Variants in BAZ2B observed in about 807,000 individuals in gnomAD.
BAZ2B encodes bromodomain adjacent to zinc finger domain protein 2B.
Under a neutral mutation model 246.0 loss-of-function variants are expected in BAZ2B, and 91 were observed. That is an observed-to-expected ratio of 0.37 (90% CI 0.31 to 0.44). The LOEUF is 0.44. BAZ2B is among the 20% of genes least tolerant of loss of function. The pLI is 1.00. For missense variants in BAZ2B, 2,332 were observed against 2,533.7 expected, an observed-to-expected ratio of 0.92 and a Z score of 1.71; for synonymous variants, 855 against 860.0, an observed-to-expected ratio of 0.99 and a Z score of 0.10.
intron 2 of BAZ2B, among the ~76,000 whole-genome samples, chr2:159,519,670 CTT>C (rs1156978730): frequency 2.0e-5 from 2 of 98,266 alleles, no homozygotes; most frequent in African/African-American, 3.7e-5. Context: ...GACCTTTCTT[CTT>C]TTTTTTTTTT....
At chr2:159,527,734 A>C (rs1164479987) in intron 2 of BAZ2B, among the ~76,000 whole-genome samples, 1 of 152,238 alleles carries the variant, frequency 6.6e-6, no homozygotes, top group African/African-American at 2.4e-5. Flanking sequence ...GTAGGCACTT[A>C]GCACAGTTAC....
At chr2:159,420,665 C>T (rs3771717) in intron 13 of BAZ2B, among the ~76,000 whole-genome samples, 59,197 of 151,996 alleles carry the variant, frequency 0.39, 12,341 homozygotes, top group Non-Finnish European at 0.49. Context: ...TTTATTTTGA[C>T]GCCTTCCTCT....
At chr2:159,688,861 A>C in the BAZ2B span, among the ~76,000 whole-genome samples, 2 of 152,234 alleles carry the variant, frequency 1.3e-5, no homozygotes. Flanking sequence ...GTAATACAGC[A>C]GAAGCGATGT....
Position 159,382,575 on chromosome 2 carries a change from T to A in BAZ2B, c.3989A>T (p.Asp1330Val), listed in dbSNP as rs1484676974. Residue 1330 changes from aspartate (D) to valine (V), a missense_variant, in exon 25 of 37, where the codon GAT (aspartate) becomes GTT (valine). Around this residue, in one of 9 missense-constraint regions of BAZ2B, gnomAD observed 676 missense variants for 668.6 expected, o/e 1.01. Transcript: ENST00000392783. Reference sequence around the variant, plus strand: ...TTTCATTACCTCATCTTCACAGATATCAGTCTTTTTTCCTTTTTTGTCTTC... The same window carrying A: ...TTTCATTACCTCATCTTCACAGATAACAGTCTTTTTTCCTTTTTTGTCTTC... ...DKEDKKGKKT[D>V]ICEDEDEGDQ... 6.4e-7 allele frequency: 1 copy of A among 1,550,658 alleles called. No homozygotes were observed. The highest frequency in any genetic ancestry group is 2.4e-5 in the East Asian group (1 of 40,936).
intron 3 of BAZ2B, among the ~76,000 whole-genome samples, chr2:159,458,081 T>A (rs1384519324): frequency 6.6e-6 from 1 of 151,984 alleles, no homozygotes; most frequent in African/African-American, 2.4e-5. Flanking sequence ...AATCTCAGCT[T>A]ACTGCAACCT....
chr2:159,355,387 C>G (rs2058994091), intron 27 of BAZ2B, among the ~76,000 whole-genome samples: 1 of 152,074 alleles, frequency 6.6e-6, no homozygotes, highest in Non-Finnish European at 1.5e-5. Flanking sequence ...GTGGAAGAGA[C>G]TAAAGGAAGC....
chr2:159,357,026 C>T (rs758994531), intron 27 of BAZ2B, among the ~76,000 whole-genome samples: 1 of 152,186 alleles, frequency 6.6e-6, no homozygotes, highest in Non-Finnish European at 1.5e-5. Context: ...GAAAAACGAA[C>T]GCAAAAAGGC....
intron 25 of BAZ2B, among the ~76,000 whole-genome samples, chr2:159,380,951 C>A (rs2061931639): frequency 1.3e-5 from 2 of 152,130 alleles, no homozygotes; most frequent in Non-Finnish European, 2.9e-5. Flanking sequence ...GCTATAAGCA[C>A]AAGTATATGC....
intron 3 of BAZ2B, among the ~76,000 whole-genome samples, chr2:159,477,228 C>A (rs1310359494): frequency 6.6e-6 from 1 of 151,994 alleles, no homozygotes; most frequent in East Asian, 1.9e-4. Flanking sequence ...TGGCGTGAAC[C>A]CAGGTGGTGG....
intron 27 of BAZ2B, among the ~76,000 whole-genome samples, chr2:159,352,825 G>T (rs2058701560): frequency 6.6e-6 from 1 of 152,078 alleles, no homozygotes; most frequent in Non-Finnish European, 1.5e-5. Flanking sequence ...CAAATGCTTA[G>T]CATGGTGGCC....
intron 36 of BAZ2B, among the ~76,000 whole-genome samples, chr2:159,320,957 G>A (rs1273696240): frequency 1.3e-5 from 2 of 152,114 alleles, no homozygotes; most frequent in African/African-American, 4.8e-5. Context: ...GTGCTCTTCT[G>A]CCCAAGCAAT....
Position 159,453,640 on chromosome 2 carries a change from C to T in BAZ2B, c.307G>A (p.Ala103Thr), listed in dbSNP as rs533886275. The T allele has an allele frequency of 1.0e-4, 166 of 1,610,070 alleles. No homozygotes were observed. Among genetic ancestry groups the T allele is most frequent in the South Asian group, 8.7e-4 (78 of 90,146 alleles). Residue 103 changes from alanine to threonine, a missense_variant, in exon 4 of 37, where the codon GCA becomes ACA. By Grantham distance (58) the Ala-to-Thr change is moderately conservative. Coordinates refer to ENST00000392783, the MANE Select transcript of BAZ2B (RefSeq NM_013450.4). ...GGAAAAGATGCTAGTTGGGGATGTG[C>T]GGCTAAGGCTGTGGGTGTACCAAGT... Reference protein sequence around the residue: ...GTLGTPTALAAHPQLASFPGA... With the variant: ...GTLGTPTALATHPQLASFPGA...
At chr2:159,336,455 T>C (rs889666500) in intron 33 of BAZ2B, among the ~76,000 whole-genome samples, 1 of 152,224 alleles carries the variant, frequency 6.6e-6, no homozygotes, top group Non-Finnish European at 1.5e-5. Flanking sequence ...ACTGTTCATG[T>C]CAACCACATC....
the BAZ2B span, among the ~76,000 whole-genome samples, chr2:159,653,337 T>C: frequency 6.6e-6 from 1 of 152,258 alleles, no homozygotes; most frequent in Non-Finnish European, 1.5e-5. Context: ...GTGATATTAC[T>C]ATTCTTTTTA....
At chr2:159,427,802 TGC>T in intron 13 of BAZ2B, 137 bp downstream of exon 13, 2 of 595,758 alleles carry the variant, frequency 3.4e-6, no homozygotes, top group Non-Finnish European at 5.8e-6. Context: ...CCTTAATGAG[TGC>T]TTACCACAAA....
At chr2:159,708,789 C>T in the BAZ2B span, among the ~76,000 whole-genome samples, 4 of 151,938 alleles carry the variant, frequency 2.6e-5, no homozygotes, top group Non-Finnish European at 5.9e-5. Flanking sequence ...GTTGCCCACG[C>T]TGGTCTCAAG....
the BAZ2B span, among the ~76,000 whole-genome samples, chr2:159,681,786 G>A: frequency 4.6e-5 from 7 of 152,086 alleles, no homozygotes; most frequent in South Asian, 4.1e-4. Flanking sequence ...TTAGCCAGGC[G>A]TAGTGGTGGG....
chr2:159,410,596 A>G (rs1374618985), intron 14 of BAZ2B, among the ~76,000 whole-genome samples: 1 of 152,134 alleles, frequency 6.6e-6, no homozygotes, highest in Non-Finnish European at 1.5e-5. Flanking sequence ...CTGTGAGTCA[A>G]TTAAACTTCT....
intron 2 of BAZ2B, among the ~76,000 whole-genome samples, chr2:159,545,840 A>G (rs1392002576): frequency 6.6e-6 from 1 of 152,214 alleles, no homozygotes; most frequent in Non-Finnish European, 1.5e-5. Context: ...ATGAAGACAG[A>G]AAAAAGGTTT....
Sources: allele counts gnomAD v4.1 joint callset (sites outside exome capture counted in the v4.1 genomes callset), GRCh38; gene constraint gnomAD v4.1.1; regional missense constraint gnomAD v4.1.1; transcripts MANE v1.5; gene names NCBI Gene and HGNC (gene_info 2026-07-23, HGNC 2026-07-21).